Variants in CDYL2 observed in about 807,000 individuals in gnomAD.
CDYL2 encodes chromodomain Y-like protein 2.
In CDYL2, 23 loss-of-function variants were observed where a neutral mutation model predicts 49.4. The observed-to-expected ratio is 0.47, with a 90% CI of 0.34 to 0.66. The LOEUF (loss-of-function observed/expected upper bound fraction) is 0.66, where lower values mean the gene tolerates loss of function less well. Ranked by LOEUF, CDYL2 falls within the 30% of genes least tolerant of loss-of-function variation. CDYL2 has a pLI of 0.01. For synonymous variants in CDYL2, 360 were observed against 268.8 expected, an observed-to-expected ratio of 1.34 and a Z score of -3.32; for missense variants, 678 against 656.4, an observed-to-expected ratio of 1.03 and a Z score of -0.36.
intron 2 of CDYL2, among the ~76,000 whole-genome samples, chr16:80,655,807 G>A (rs1394858454): frequency 6.6e-6 from 1 of 152,176 alleles, no homozygotes; most frequent in Non-Finnish European, 1.5e-5. Flanking sequence ...AGACGCAGGG[G>A]AATGGTGCCT....
At chr16:80,695,830 A>G (rs1260371557) in intron 1 of CDYL2, among the ~76,000 whole-genome samples, 1 of 152,220 alleles carries the variant, frequency 6.6e-6, no homozygotes, top group African/African-American at 2.4e-5. Flanking sequence ...CACCACTCTC[A>G]GCACGAGACA....
intron 2 of CDYL2, among the ~76,000 whole-genome samples, chr16:80,673,465 T>C (rs913286196): frequency 2.0e-5 from 3 of 152,242 alleles, no homozygotes; most frequent in East Asian, 1.9e-4. Flanking sequence ...ATAATCTACT[T>C]GATGTGGCTT....
At chr16:80,727,976 A>G (rs1376732747) in intron 1 of CDYL2, among the ~76,000 whole-genome samples, 3 of 152,236 alleles carry the variant, frequency 2.0e-5, no homozygotes, top group African/African-American at 4.8e-5. Context: ...GACCAAAAGT[A>G]GATAAAAACC....
intron 1 of CDYL2, among the ~76,000 whole-genome samples, chr16:80,727,829 G>A (rs1905213464): frequency 6.6e-6 from 1 of 152,208 alleles, no homozygotes; most frequent in Non-Finnish European, 1.5e-5. Context: ...GCACCCCCCA[G>A]CAGGGGCAGA....
rs74028390 is a variant in CDYL2, at chr16:80,658,384, G to C, written c.617-25148C>G. 5.8e-3 allele frequency among the ~76,000 whole-genome samples: 881 copies of C among 152,122 alleles called. 11 individuals are homozygous for C. The highest frequency in any genetic ancestry group is 0.021 in the African/African-American group (853 of 41,506). ...CATAACCACATCAAAAGGGGAGAGG[G>C]GAAGAACAAATACAAATAACTTTTG... On this transcript the variant is annotated intron_variant, in intron 2 of 6. Transcript: ENST00000570137.
intron 1 of CDYL2, among the ~76,000 whole-genome samples, chr16:80,731,155 CAA>C (rs1234512596): frequency 1.3e-5 from 2 of 151,802 alleles, no homozygotes; most frequent in Non-Finnish European, 2.9e-5. Context: ...CTTCCAGAGA[CAA>C]GAGAAAACAA....
intron 1 of CDYL2, among the ~76,000 whole-genome samples, chr16:80,686,870 A>G (rs547374458): frequency 7.9e-5 from 12 of 152,298 alleles, no homozygotes; most frequent in African/African-American, 2.4e-4. Context: ...GGCTATCAAA[A>G]TTTGTTTCCT....
At chr16:80,799,582 A>C (rs1352907947) in intron 1 of CDYL2, among the ~76,000 whole-genome samples, 1 of 152,210 alleles carries the variant, frequency 6.6e-6, no homozygotes, top group Non-Finnish European at 1.5e-5. Flanking sequence ...GCATGCCTCC[A>C]ATACAAAGAT....
chr16:80,611,998 G>A (rs1906619369), intron 5 of CDYL2, among the ~76,000 whole-genome samples: 1 of 152,232 alleles, frequency 6.6e-6, no homozygotes, highest in African/African-American at 2.4e-5. Flanking sequence ...TTCCACATGG[G>A]GTGGAGACTG....
intron 1 of CDYL2, among the ~76,000 whole-genome samples, chr16:80,752,599 A>G (rs1003533972): frequency 6.6e-6 from 1 of 152,228 alleles, no homozygotes; most frequent in African/African-American, 2.4e-5. Flanking sequence ...AACCAACAGA[A>G]GAGCTAAAAT....
In CDYL2 at chr16:80,600,758, T is replaced by C. The variant is rs2142348987; in HGVS notation, c.*3630A>G. 6.6e-6 allele frequency: 1 copy of C among 151,736 alleles called. No homozygotes were observed. Among genetic ancestry groups the C allele is most frequent in the Middle Eastern group, 3.4e-3 (1 of 294 alleles). The allele number at this position is 151,736 out of a possible 1,614,324, so 9.4% of individuals were successfully genotyped here. On this transcript the variant is annotated 3_prime_UTR_variant, in exon 7 of 7. Transcript: ENST00000570137. ...TTTCCACAGAAACTAGATTGGAAAA[T>C]TTAATGGATGTGACTAAATTCCAAA...
chr16:80,658,154 T>G (rs1212161805), intron 2 of CDYL2, among the ~76,000 whole-genome samples: 2 of 151,548 alleles, frequency 1.3e-5, no homozygotes, highest in Non-Finnish European at 2.9e-5. Context: ...ACAATGAAAT[T>G]GATTATCACA....
intron 1 of CDYL2, among the ~76,000 whole-genome samples, chr16:80,779,585 T>C (rs914658958): frequency 6.6e-6 from 1 of 152,046 alleles, no homozygotes; most frequent in African/African-American, 2.4e-5. Flanking sequence ...CTGTTTAAAA[T>C]ACTGAAAATT....
At chr16:80,650,818 A>C (rs1908550487) in intron 2 of CDYL2, among the ~76,000 whole-genome samples, 1 of 152,150 alleles carries the variant, frequency 6.6e-6, no homozygotes, top group Non-Finnish European at 1.5e-5. Flanking sequence ...CATCTGCAAC[A>C]ACACAGATGG....
At chr16:80,760,725 T>A (rs897381259) in intron 1 of CDYL2, among the ~76,000 whole-genome samples, 4 of 151,776 alleles carry the variant, frequency 2.6e-5, no homozygotes, top group African/African-American at 9.7e-5. Flanking sequence ...GGGATAAAAA[T>A]CTTATAAGCC....
chr16:80,794,188 C>T (rs941875711), intron 1 of CDYL2, among the ~76,000 whole-genome samples: 1 of 152,160 alleles, frequency 6.6e-6, no homozygotes, highest in Admixed American at 6.5e-5. Flanking sequence ...GCAACACTAC[C>T]TTTAATACAA....
chr16:80,617,215 A>C (rs967321466), intron 4 of CDYL2, among the ~76,000 whole-genome samples: 1 of 152,140 alleles, frequency 6.6e-6, no homozygotes, highest in African/African-American at 2.4e-5. Flanking sequence ...ACGTGTATGC[A>C]AGTTTTCTTT....
intron 1 of CDYL2, among the ~76,000 whole-genome samples, chr16:80,780,289 A>G (rs570556383): frequency 1.3e-5 from 2 of 152,272 alleles, no homozygotes; most frequent in Admixed American, 1.3e-4. Context: ...TGATTTATCA[A>G]TAACAACATG....
intron 1 of CDYL2, among the ~76,000 whole-genome samples, chr16:80,802,281 A>G (rs985107405): frequency 2.0e-5 from 3 of 152,210 alleles, no homozygotes; most frequent in African/African-American, 7.2e-5. Flanking sequence ...CTTTTCACTC[A>G]GGCAAGGTCA....
Sources: allele counts gnomAD v4.1 joint callset (sites outside exome capture counted in the v4.1 genomes callset), GRCh38; gene constraint gnomAD v4.1.1; transcripts MANE v1.5; gene names NCBI Gene and HGNC (gene_info 2026-07-23, HGNC 2026-07-21).